Variants in SEPTIN9 observed in about 807,000 individuals in gnomAD.
SEPTIN9 encodes the protein septin-9.
A neutral mutation model predicts 56.6 loss-of-function variants in SEPTIN9; 13 were observed. The ratio of observed to expected loss-of-function variants is 0.23; its 90% CI spans 0.15 to 0.37. SEPTIN9 has a LOEUF of 0.37. SEPTIN9 is among the 10% of genes least tolerant of loss of function. The pLI, the probability that SEPTIN9 is intolerant of heterozygous loss-of-function variation, is 1.00. For synonymous variants in SEPTIN9, 332 were observed against 334.1 expected, an observed-to-expected ratio of 0.99 and a Z score of 0.07; for missense variants, 650 against 823.1, an observed-to-expected ratio of 0.79 and a Z score of 2.57.
chr17:77,328,752 C>T (rs1426326359), intron 2 of SEPTIN9, among the ~76,000 whole-genome samples: 1 of 152,218 alleles, frequency 6.6e-6, no homozygotes. Context: ...AAGACACAGT[C>T]GCTGGTCGCT....
intron 2 of SEPTIN9, among the ~76,000 whole-genome samples, chr17:77,360,785 C>T (rs1435357059): frequency 6.6e-6 from 1 of 152,082 alleles, no homozygotes; most frequent in Non-Finnish European, 1.5e-5. Context: ...AGGATGGTCT[C>T]GATCTCCTGA....
Position 77,409,761 on chromosome 17 carries a change from G to A in SEPTIN9, c.721+7058G>A, listed in dbSNP as rs144636492. Among the ~76,000 whole-genome samples the A allele has an allele frequency of 2.5e-4, 38 of 152,330 alleles. 2 individuals are homozygous for A. In the East Asian group the frequency reaches 7.1e-3, roughly 29 times the overall value. ...CGGGATTGAGGGTCTGCACAATGGC[G>A]AGCCTGTCCGGAGGGGCGCGCCGCG... On this transcript the variant is annotated intron_variant, in intron 3 of 11. Coordinates refer to ENST00000427177, the MANE Select transcript of SEPTIN9 (RefSeq NM_001113491.2).
chr17:77,309,095 C>T (rs1166729019), intron 2 of SEPTIN9, among the ~76,000 whole-genome samples: 1 of 152,258 alleles, frequency 6.6e-6, no homozygotes, highest in Non-Finnish European at 1.5e-5. Flanking sequence ...ATCTCCTTCC[C>T]TCTCATTGGC....
In SEPTIN9 at chr17:77,499,269, C is replaced by T. The variant is rs1260323489; in HGVS notation, c.*611C>T. ...ACTCCAAGCCCCCTGGCAGCTGCCC[C>T]TCCTGGAGCAGAAAGTGCCTTTATC... On this transcript the variant is annotated 3_prime_UTR_variant, in exon 12 of 12. Transcript: ENST00000427177. 3.3e-6 allele frequency: 2 copies of T among 597,854 alleles called. No individual in the cohort carries two copies. The highest frequency in any genetic ancestry group is 2.8e-5 in the South Asian group (2 of 71,796). 37.0% of individuals were successfully genotyped at this position (597,854 alleles called of 1,614,324 possible).
In SEPTIN9 at chr17:77,346,130, C is replaced by G. The variant is rs1275380483; in HGVS notation, c.76+38933C>G. ...CTAATTTTTGTATTTTTAGTAGAGA[C>G]AGGGTTTCACCATGTTGGCCAGGCT... On this transcript the variant is annotated intron_variant, in intron 2 of 11. Transcript: ENST00000427177. Among the ~76,000 whole-genome samples the G allele has an allele frequency of 3.3e-5, 5 of 151,842 alleles. No homozygotes were observed. The East Asian group carries it at 9.7e-4, about 29-fold the overall frequency.
chr17:77,418,823 G>C (rs112173729), intron 3 of SEPTIN9, among the ~76,000 whole-genome samples: 1,857 of 152,268 alleles, frequency 0.012, 46 homozygotes, highest in African/African-American at 0.042. Flanking sequence ...TCTGTGGGCC[G>C]TGCTTCCAGG....
At chr17:77,333,529 T>C (rs1015112921) in intron 2 of SEPTIN9, among the ~76,000 whole-genome samples, 1 of 152,222 alleles carries the variant, frequency 6.6e-6, no homozygotes, top group Non-Finnish European at 1.5e-5. Flanking sequence ...GCCCGGCCTG[T>C]TCATTTTCTT....
chr17:77,300,715 CCCCAGGCTCAAACCGCCCCCAT>C (rs2032003376), intron 1 of SEPTIN9, among the ~76,000 whole-genome samples: 1 of 115,574 alleles, frequency 8.7e-6, no homozygotes, highest in African/African-American at 3.7e-5. Flanking sequence ...ACCGCCCCCA[CCCCAGGCTCAAACCGCCCCCAT>C]CCCAGCTCAA....
intron 3 of SEPTIN9, chr17:77,442,145 G>A (rs2037568618): frequency 6.6e-6 from 1 of 152,180 alleles, no homozygotes; most frequent in Admixed American, 6.5e-5. Context: ...TCAGTTGATT[G>A]TTCACAGTCA....
At chr17:77,413,434 G>T (rs1315968411) in intron 3 of SEPTIN9, among the ~76,000 whole-genome samples, 3 of 152,110 alleles carry the variant, frequency 2.0e-5, no homozygotes, top group African/African-American at 7.2e-5. Context: ...CTTATTCCGA[G>T]GGGGTTGCTT....
intron 3 of SEPTIN9, among the ~76,000 whole-genome samples, chr17:77,419,095 T>G (rs376259341): frequency 6.6e-6 from 1 of 152,200 alleles, no homozygotes; most frequent in Non-Finnish European, 1.5e-5. Flanking sequence ...CCTGAAACTT[T>G]CCTGCCTCTC....
At chr17:77,379,882 G>GA (rs960033448) in intron 2 of SEPTIN9, among the ~76,000 whole-genome samples, 3 of 152,144 alleles carry the variant, frequency 2.0e-5, no homozygotes, top group African/African-American at 7.2e-5. Context: ...AGCCACTGAG[G>GA]AAAAATGGTC....
At position 77,482,352 on chromosome 17, in the gene SEPTIN9, C is replaced by T; in HGVS notation, c.913+17C>T. The T allele has an allele frequency of 6.2e-7, 1 of 1,609,126 alleles. No individual in the cohort carries two copies. On this transcript the variant is annotated intron_variant, in intron 4 of 11. Coordinates refer to ENST00000427177, the MANE Select transcript of SEPTIN9 (RefSeq NM_001113491.2). ...TGGTGGTCGGTGAGTCCTCACCTTG[C>T]ATGCCACTCAACCAATGCCGGAAAC...
Position 77,421,241 on chromosome 17 carries a change from C to G in SEPTIN9, c.721+18538C>G, listed in dbSNP as rs963250852. On this transcript the variant is annotated intron_variant, in intron 3 of 11. Transcript: ENST00000427177. This position sits in a 1 kb window ranked among gnomAD's most constrained non-coding sequence, Gnocchi z 4.6. ...GAAAACCCCAGTTAGAAGGTGTCCC[C>G]CTCTTCCTTCAGTCCCTCAGCTGCC... 1.3e-5 allele frequency among the ~76,000 whole-genome samples: 2 copies of G among 152,172 alleles called. No homozygotes were observed. The highest frequency in any genetic ancestry group is 1.5e-5 in the Non-Finnish European group (1 of 68,036).
intron 2 of SEPTIN9, among the ~76,000 whole-genome samples, chr17:77,345,984 T>C (rs2033879664): frequency 6.6e-6 from 1 of 152,174 alleles, no homozygotes; most frequent in Non-Finnish European, 1.5e-5. Context: ...AGCATCCTGC[T>C]CTGTTGCCCA....
chr17:77,307,708 T>C (rs111910771), intron 2 of SEPTIN9, among the ~76,000 whole-genome samples: 99 of 152,290 alleles, frequency 6.5e-4, no homozygotes, highest in African/African-American at 2.2e-3. Flanking sequence ...GCTTTTTCCA[T>C]GTGTTTGGAA....
chr17:77,315,428 C>T (rs1394609082), intron 2 of SEPTIN9, among the ~76,000 whole-genome samples: 1 of 152,152 alleles, frequency 6.6e-6, no homozygotes, highest in Non-Finnish European at 1.5e-5. Flanking sequence ...GCTGGGATTA[C>T]AGGCATGCGC....
intron 1 of SEPTIN9, among the ~76,000 whole-genome samples, chr17:77,293,278 C>T (rs1289107446): frequency 1.3e-5 from 2 of 152,310 alleles, no homozygotes; most frequent in African/African-American, 4.8e-5. Flanking sequence ...CTCAGCCTCC[C>T]AAAGTACTGG....
chr17:77,398,854 T>A (rs189161886), intron 2 of SEPTIN9, among the ~76,000 whole-genome samples: 52 of 152,192 alleles, frequency 3.4e-4, no homozygotes, highest in Admixed American at 3.4e-3. Flanking sequence ...TGAGAGCTAG[T>A]GGGCATGGGA....
Sources: allele counts gnomAD v4.1 joint callset (sites outside exome capture counted in the v4.1 genomes callset), GRCh38; gene constraint gnomAD v4.1.1; non-coding constraint Gnocchi (gnomAD v3.1); transcripts MANE v1.5; gene names NCBI Gene and HGNC (gene_info 2026-07-23, HGNC 2026-07-21).